Variants in BCL11B observed in about 807,000 individuals in gnomAD.
BCL11B encodes the protein B-cell lymphoma/leukemia 11B.
Under a neutral mutation model 49.9 loss-of-function variants are expected in BCL11B, and 8 were observed. The observed-to-expected ratio is 0.16, with a 90% CI of 0.09 to 0.29. The LOEUF (loss-of-function observed/expected upper bound fraction) is 0.29. Ranked by LOEUF, BCL11B falls within the 10% of genes least tolerant of loss-of-function variation. BCL11B has a pLI of 1.00. For synonymous variants in BCL11B, 739 were observed against 637.4 expected (o/e 1.16, Z -2.40); for missense variants, 1,006 against 1,351.0 (o/e 0.74, Z 4.00).
Position 99,173,380 on chromosome 14 carries a change from C to G in BCL11B, c.*771G>C, listed in dbSNP as rs1247137878. The G allele has an allele frequency of 9.1e-6, 2 of 220,098 alleles. No individual in the cohort carries two copies. Among genetic ancestry groups the G allele is most frequent in the Admixed American group, 5.8e-5 (1 of 17,248 alleles). 13.6% of individuals were successfully genotyped at this position (220,098 alleles called of 1,614,324 possible). On this transcript the variant is annotated 3_prime_UTR_variant, in exon 4 of 4. Transcript: ENST00000357195. ...GTCTGTGGGGTGCCTCCCCCAGCACCACCACTCAAGGTTTCCCTTATGTAA... is the reference window on the plus strand; with the variant it reads ...GTCTGTGGGGTGCCTCCCCCAGCACGACCACTCAAGGTTTCCCTTATGTAA...
At chr14:99,179,410 G>A (rs1297759979) in intron 3 of BCL11B, among the ~76,000 whole-genome samples, 2 of 143,714 alleles carry the variant, frequency 1.4e-5, no homozygotes, top group Admixed American at 7.3e-5. Context: ...GGAGACGGAA[G>A]TGGCAGTGAG....
chr14:99,220,400 C>T (rs1318704966), intron 3 of BCL11B, among the ~76,000 whole-genome samples: 1 of 152,140 alleles, frequency 6.6e-6, no homozygotes. Context: ...GAATATTATT[C>T]AGCCTCAAGA....
intron 3 of BCL11B, among the ~76,000 whole-genome samples, chr14:99,188,836 C>T (rs1166632279): frequency 2.0e-5 from 3 of 152,242 alleles, no homozygotes; most frequent in Non-Finnish European, 4.4e-5. Flanking sequence ...CCCAGGTGCC[C>T]GCCTGGCCGA....
intron 2 of BCL11B, among the ~76,000 whole-genome samples, chr14:99,238,411 A>C (rs1169592600): frequency 6.6e-6 from 1 of 152,136 alleles, no homozygotes; most frequent in Non-Finnish European, 1.5e-5. Context: ...CAATTTCCTC[A>C]AGATGCAGGC....
intron 2 of BCL11B, among the ~76,000 whole-genome samples, chr14:99,251,832 G>C (rs1482543349): frequency 1.3e-5 from 2 of 152,268 alleles, no homozygotes; most frequent in East Asian, 1.9e-4. Flanking sequence ...CAGCCAGACA[G>C]ACAGAGTTAG....
At chr14:99,216,836 CACAA>C (rs957314957) in intron 3 of BCL11B, among the ~76,000 whole-genome samples, 1 of 152,112 alleles carries the variant, frequency 6.6e-6, no homozygotes, top group African/African-American at 2.4e-5. Context: ...CATGCTCACA[CACAA>C]AAACACTCAT....
chr14:99,258,960 A>G (rs529039475), intron 1 of BCL11B, among the ~76,000 whole-genome samples: 25 of 151,742 alleles, frequency 1.6e-4, no homozygotes, highest in African/African-American at 6.0e-4. Flanking sequence ...TAAATGCCTC[A>G]AAAAGCAGCA....
intron 2 of BCL11B, among the ~76,000 whole-genome samples, chr14:99,251,934 C>T (rs1889019772): frequency 6.6e-6 from 1 of 152,244 alleles, no homozygotes; most frequent in African/African-American, 2.4e-5. Flanking sequence ...TGACCTTCAG[C>T]AACTCCCTTA....
intron 1 of BCL11B, 45 bp downstream of exon 1, chr14:99,271,116 G>A (rs1889664219): frequency 1.3e-6 from 2 of 1,511,390 alleles, no homozygotes; most frequent in African/African-American, 2.9e-5. Flanking sequence ...CCAGACGCCC[G>A]GAGCCCCATC....
intron 3 of BCL11B, among the ~76,000 whole-genome samples, chr14:99,219,786 T>TA (rs1368934433): frequency 4.1e-5 from 6 of 146,990 alleles, no homozygotes; most frequent in Non-Finnish European, 8.9e-5. Context: ...AGCTTTGTTA[T>TA]AAAAAATAAA....
At chr14:99,263,511 G>A (rs1486492000) in intron 1 of BCL11B, among the ~76,000 whole-genome samples, 1 of 152,236 alleles carries the variant, frequency 6.6e-6, no homozygotes, top group Non-Finnish European at 1.5e-5. Flanking sequence ...GGTTTTAGAT[G>A]CAGGAAGAGG....
At chr14:99,215,943 AAC>A (rs1360458333) in intron 3 of BCL11B, among the ~76,000 whole-genome samples, 1 of 152,194 alleles carries the variant, frequency 6.6e-6, no homozygotes, top group Non-Finnish European at 1.5e-5. Context: ...GGCCCCCAGG[AAC>A]AGAGGGCAGT....
Position 99,248,100 on chromosome 14 carries a change from T to C in BCL11B, c.427+9371A>G, listed in dbSNP as rs1043430297. On this transcript the variant is annotated intron_variant, in intron 2 of 3. Coordinates refer to ENST00000357195, the MANE Select transcript of BCL11B (RefSeq NM_138576.4). This position sits in a 1 kb window ranked among gnomAD's most constrained non-coding sequence, Gnocchi z 4.7. ...GGCTGTGGTCCCAGTTTCCCAGCTGTCTGAGCAGCGAGGGGCAGATGCTTT... is the reference window on the plus strand; with the variant it reads ...GGCTGTGGTCCCAGTTTCCCAGCTGCCTGAGCAGCGAGGGGCAGATGCTTT... 6.6e-6 allele frequency among the ~76,000 whole-genome samples: 1 copy of C among 152,108 alleles called. No homozygotes were observed. The highest frequency in any genetic ancestry group is 1.5e-5 in the Non-Finnish European group (1 of 68,006).
rs568457907 is a variant in BCL11B, at chr14:99,194,632, G to C, written c.641-18437C>G. ...TGTGAAAGGCCTTGTCTGCAAAATGGCCCCCAGAGGAAGCTAATATTTTCC... is the reference window on the plus strand; with the variant it reads ...TGTGAAAGGCCTTGTCTGCAAAATGCCCCCCAGAGGAAGCTAATATTTTCC... On this transcript the variant is annotated intron_variant, in intron 3 of 3. Coordinates refer to ENST00000357195, the MANE Select transcript of BCL11B (RefSeq NM_138576.4). The surrounding 1 kb of genome is among the most constrained non-coding windows in gnomAD (Gnocchi z 4.6). Among the ~76,000 whole-genome samples, 33 of 152,286 alleles carry C rather than the reference G, an allele frequency of 2.2e-4. No individual in the cohort carries two copies. The highest frequency in any genetic ancestry group is 7.7e-4 in the African/African-American group (32 of 41,562).
In BCL11B at chr14:99,174,901, C is replaced by T. The variant is rs752477920; in HGVS notation, c.1935G>A (p.Ala645=). ...DDDDAGGCGD[A]GAGGAVNGRG... is the part of the protein sequence containing the mutation. ...GCCCGTTGACCGCGCCGCCCGCGCC[C>T]GCGTCCCCGCAGCCGCCCGCGTCGT... Residue 645 remains alanine, a synonymous_variant, in exon 4 of 4, where the codon GCG becomes GCA. Coordinates refer to ENST00000357195, the MANE Select transcript of BCL11B (RefSeq NM_138576.4). The T allele has an allele frequency of 1.1e-3, 1,144 of 1,087,502 alleles. 1 individual carries two copies. Among genetic ancestry groups the T allele is most frequent in the Middle Eastern group, 1.3e-3 (3 of 2,384 alleles). The allele number at this position is 1,087,502 out of a possible 1,614,324, so 67.4% of individuals were successfully genotyped here. A position where few individuals can be genotyped will look rare whatever the true frequency, so the allele number is the denominator to read the frequency against.
intron 3 of BCL11B, among the ~76,000 whole-genome samples, chr14:99,187,172 A>C (rs981293566): frequency 2.6e-5 from 4 of 152,228 alleles, no homozygotes; most frequent in African/African-American, 9.6e-5. Context: ...ACAGCCACCC[A>C]ACCCCAAAAT....
At position 99,175,459 on chromosome 14, in the gene BCL11B, C is replaced by T; in HGVS notation, c.1377G>A (p.Leu459=). ...HTGEKPYKCQ[L]CDHACSQASK... The stretch of plus-strand genomic sequence containing the variant: ...TGGCCTGCGAGCACGCGTGGTCGCA[C>T]AGCTGGCACTTGTAGGGCTTCTCGC... Residue 459 remains leucine, a synonymous_variant, in exon 4 of 4, where the codon CTG becomes CTA. Transcript: ENST00000357195. The T allele has an allele frequency of 6.2e-7, 1 of 1,611,638 alleles. No individual in the cohort carries two copies. The highest frequency in any genetic ancestry group is 1.3e-5 in the African/African-American group (1 of 74,750).
intron 1 of BCL11B, among the ~76,000 whole-genome samples, chr14:99,261,795 C>T (rs552997619): frequency 2.8e-4 from 42 of 152,278 alleles, no homozygotes; most frequent in Non-Finnish European, 4.4e-4. Flanking sequence ...ATGCAGCAGA[C>T]AACTTGTTCG....
At chr14:99,265,052 C>T (rs976433057) in intron 1 of BCL11B, among the ~76,000 whole-genome samples, 7 of 151,958 alleles carry the variant, frequency 4.6e-5, no homozygotes, top group Admixed American at 2.0e-4. Context: ...GGCCAAATGG[C>T]CTGAGTCAAA....
Sources: gnomAD v4.1 joint callset for allele counts (sites outside exome capture counted in the v4.1 genomes callset) on GRCh38, gnomAD v4.1.1 for gene constraint, Gnocchi (gnomAD v3.1) non-coding constraint, MANE v1.5 for transcripts, NCBI Gene and HGNC (gene_info 2026-07-23, HGNC 2026-07-21) for gene names.